Variants in CYTH4 observed in about 807,000 individuals in gnomAD.
CYTH4 encodes the protein cytohesin 4, also known as cytohesin-4.
CYTH4 carries 22 observed loss-of-function variants against 57.5 expected under a neutral mutation model. That is an observed-to-expected ratio of 0.38 (90% confidence interval 0.27 to 0.55). The LOEUF (loss-of-function observed/expected upper bound fraction) is 0.55, where lower values mean the gene tolerates loss of function less well. Among genes scored for constraint, CYTH4 ranks in the 20% least tolerant of loss-of-function variants. The pLI is 0.74. For synonymous variants in CYTH4, 186 were observed against 206.5 expected (o/e 0.90, Z 0.85); for missense variants, 420 against 535.6 (o/e 0.78, Z 2.13).
intron 1 of CYTH4, among the ~76,000 whole-genome samples, chr22:37,288,705 C>G (rs1159245288): frequency 6.6e-6 from 1 of 152,206 alleles, no homozygotes; most frequent in East Asian, 1.9e-4. Context: ...GAGCACCACA[C>G]AGTGGTGGTA....
intron 7 of CYTH4, among the ~76,000 whole-genome samples, chr22:37,302,383 T>C (rs559720980): frequency 6.6e-6 from 1 of 152,320 alleles, no homozygotes; most frequent in South Asian, 2.1e-4. Context: ...ATGTTGGGCA[T>C]ATAGCTTAAC....
At position 37,308,407 on chromosome 22, in the gene CYTH4, TAA is replaced by T. The variant is rs539434346; in HGVS notation, c.697-804_697-803del. Reference sequence around the variant, plus strand: ...TATATTGTCAGTGTGCATGCATGTATAAGAGTGCATGTATATGCACGCAAGCG... The same window carrying T: ...TATATTGTCAGTGTGCATGCATGTATGAGTGCATGTATATGCACGCAAGCG... On this transcript the variant is annotated intron_variant, in intron 8 of 12. Coordinates refer to ENST00000248901, the MANE Select transcript of CYTH4 (RefSeq NM_013385.5). Among the ~76,000 whole-genome samples, 388 of 151,876 alleles carry T rather than the reference TAA, an allele frequency of 2.6e-3. 1 individual carries two copies. Among genetic ancestry groups the T allele is most frequent in the African/African-American group, 8.7e-3 (362 of 41,404 alleles).
intron 1 of CYTH4, among the ~76,000 whole-genome samples, chr22:37,289,586 G>A (rs1203391204): frequency 2.0e-5 from 3 of 152,228 alleles, no homozygotes; most frequent in East Asian, 1.9e-4. Flanking sequence ...CACCAGCAGC[G>A]GTGACATGAG....
intron 2 of CYTH4, 59 bp downstream of exon 2, chr22:37,292,762 G>A (rs1928798070): frequency 1.9e-5 from 30 of 1,550,774 alleles, no homozygotes; most frequent in Middle Eastern, 1.7e-4. Context: ...ACGCTTGTAC[G>A]CACCCCACCA....
chr22:37,304,687 A>C (rs1929333154), intron 8 of CYTH4, among the ~76,000 whole-genome samples: 1 of 152,160 alleles, frequency 6.6e-6, no homozygotes, highest in South Asian at 2.1e-4. Flanking sequence ...GCCTGGTCCC[A>C]AAAGGAGAAA....
intron 7 of CYTH4, among the ~76,000 whole-genome samples, chr22:37,302,673 ATC>A (rs1334040147): frequency 6.6e-6 from 1 of 152,144 alleles, no homozygotes; most frequent in Non-Finnish European, 1.5e-5. Context: ...CTGGCTCTGG[ATC>A]CAGGGCCCAA....
chr22:37,311,319 C>A lies in CYTH4; in HGVS notation c.886-137C>A. The A allele has an allele frequency of 3.7e-6, 3 of 820,254 alleles. No individual in the cohort carries two copies. The highest frequency in any genetic ancestry group is 2.6e-5 in the East Asian group (1 of 38,334). The allele number at this position is 820,254 out of a possible 1,614,324, so 50.8% of individuals were successfully genotyped here. On this transcript the variant is annotated intron_variant, in intron 10 of 12. Transcript: ENST00000248901. This position sits in a 1 kb window ranked among gnomAD's most constrained non-coding sequence, Gnocchi z 4.4. Reference sequence around the variant, plus strand: ...GTCTTCACATGCTGCTTCTAACTTCCGTCCCCCTATGACTGGACAGTCTCG... The same window carrying A: ...GTCTTCACATGCTGCTTCTAACTTCAGTCCCCCTATGACTGGACAGTCTCG...
chr22:37,295,313 T>A lies in CYTH4; in HGVS notation c.167+589T>A, dbSNP rs1348974931. ...CACACGATGTCCTGGCAATTTCCCA[T>A]CCTGCGCCCGCCACTCCTTAGGTCT... On this transcript the variant is annotated intron_variant, in intron 3 of 12. Coordinates refer to ENST00000248901, the MANE Select transcript of CYTH4 (RefSeq NM_013385.5). The surrounding 1 kb of genome is among the most constrained non-coding windows in gnomAD (Gnocchi z 4.1). Among the ~76,000 whole-genome samples, 1 of 151,090 alleles carries A rather than the reference T, an allele frequency of 6.6e-6. No homozygotes were observed. Among genetic ancestry groups the A allele is most frequent in the Non-Finnish European group, 1.5e-5 (1 of 67,724 alleles).
chr22:37,283,449 G>A (rs1928436526), intron 1 of CYTH4, among the ~76,000 whole-genome samples: 1 of 152,106 alleles, frequency 6.6e-6, no homozygotes, highest in Admixed American at 6.5e-5. Flanking sequence ...AAGGGCTCGT[G>A]GGAGCTGTCT....
In CYTH4 at chr22:37,309,086, A is replaced by G. The variant is rs1929537146; in HGVS notation, c.697-126A>G. ...AAGAAAAGCCCAGGGACCACGATAA[A>G]CAGGTGAGGAAAGAGTATGCCTGCA... On this transcript the variant is annotated intron_variant, in intron 8 of 12. Coordinates refer to ENST00000248901, the MANE Select transcript of CYTH4 (RefSeq NM_013385.5). 4 of 711,294 alleles carry G rather than the reference A, an allele frequency of 5.6e-6. No individual in the cohort carries two copies. In the African/African-American group the frequency reaches 7.2e-5, roughly 13 times the overall value. The allele number at this position is 711,294 out of a possible 1,614,324, so 44.1% of individuals were successfully genotyped here.
rs139470778 is a variant in CYTH4 at position 37,311,358 on chromosome 22, C to T, written c.886-98C>T. ...TGGACAGTCTCGGAAGATGAGCACG[C>T]TCCTCTTTGAGTTTGGGGAACCCCA... On this transcript the variant is annotated intron_variant, in intron 10 of 12. Transcript: ENST00000248901. The surrounding 1 kb of genome is among the most constrained non-coding windows in gnomAD (Gnocchi z 4.4). The T allele has an allele frequency of 1.1e-5, 12 of 1,080,326 alleles. No individual in the cohort carries two copies. The East Asian group carries it at 2.4e-4, about 21-fold the overall frequency. 66.9% of individuals were successfully genotyped at this position (1,080,326 alleles called of 1,614,324 possible).
At chr22:37,304,993 A>G (rs1232152438) in intron 8 of CYTH4, among the ~76,000 whole-genome samples, 1 of 152,216 alleles carries the variant, frequency 6.6e-6, no homozygotes, top group Non-Finnish European at 1.5e-5. Context: ...ATTAATAATG[A>G]AAAAAGCCCC....
intron 1 of CYTH4, among the ~76,000 whole-genome samples, chr22:37,288,902 C>T (rs1001879395): frequency 2.6e-5 from 4 of 152,226 alleles, no homozygotes; most frequent in African/African-American, 9.6e-5. Context: ...TTCAGACCAC[C>T]TTTGCTGTAG....
chr22:37,292,346 C>T (rs1444628801), intron 1 of CYTH4: 3 of 438,422 alleles, frequency 6.8e-6, no homozygotes, highest in Non-Finnish European at 1.2e-5. Context: ...CTCATGGAGC[C>T]GAGAGTCTAG....
At chr22:37,306,665 G>A (rs1383832040) in intron 8 of CYTH4, among the ~76,000 whole-genome samples, 2 of 152,210 alleles carry the variant, frequency 1.3e-5, no homozygotes, top group Non-Finnish European at 2.9e-5. Flanking sequence ...CAGAAATGCT[G>A]GCTTCAGGTT....
chr22:37,312,278 C>T, intron 12 of CYTH4, 104 bp downstream of exon 12: 1 of 1,459,564 alleles, frequency 6.9e-7, no homozygotes, highest in Non-Finnish European at 9.2e-7. Context: ...ACTCCAGTCT[C>T]TCCCTCCTGT....
At chr22:37,290,247 G>A (rs146207466) in intron 1 of CYTH4, among the ~76,000 whole-genome samples, 4 of 152,296 alleles carry the variant, frequency 2.6e-5, no homozygotes, top group East Asian at 1.9e-4. Flanking sequence ...AGTCTTGAGC[G>A]CTGATGTCAA....
rs1368628296 is a variant in CYTH4, at chr22:37,295,147, C to T, written c.167+423C>T. On this transcript the variant is annotated intron_variant, in intron 3 of 12. Coordinates refer to ENST00000248901, the MANE Select transcript of CYTH4 (RefSeq NM_013385.5). This position sits in a 1 kb window ranked among gnomAD's most constrained non-coding sequence, Gnocchi z 4.1. ...CACCACTAACCCCGGGCCAGCCACG[C>T]CCACCGCCTCTGTGGAAAACTCCCA... is the stretch of plus-strand genomic sequence containing the variant. Among the ~76,000 whole-genome samples the T allele has an allele frequency of 6.6e-6, 1 of 152,068 alleles. No individual in the cohort carries two copies. The highest frequency in any genetic ancestry group is 1.9e-4 in the East Asian group (1 of 5,184).
intron 8 of CYTH4, chr22:37,304,310 G>C (rs1169231258): frequency 2.2e-6 from 1 of 456,076 alleles, no homozygotes; most frequent in East Asian, 6.9e-5. Flanking sequence ...GCACAGTAGT[G>C]GGTGACAGGG....
Sources: gnomAD v4.1 joint callset for allele counts (sites outside exome capture counted in the v4.1 genomes callset) on GRCh38, gnomAD v4.1.1 for gene constraint, Gnocchi (gnomAD v3.1) non-coding constraint, MANE v1.5 for transcripts, NCBI Gene and HGNC (gene_info 2026-07-23, HGNC 2026-07-21) for gene names.